The following DNAH11 variants were observed in gnomAD, a reference collection of about 807,000 sequenced individuals.
DNAH11 encodes the protein dynein axonemal heavy chain 11, also known as axonemal beta dynein heavy chain 11.
A neutral mutation model predicts 526.0 loss-of-function variants in DNAH11; 442 were observed. That is an observed-to-expected ratio of 0.84 (90% CI 0.78 to 0.91). The LOEUF (loss-of-function observed/expected upper bound fraction) is 0.91. Among genes scored for constraint, DNAH11 ranks in the 40% least tolerant of loss-of-function variants. DNAH11 has a pLI of 0.00. For synonymous variants in DNAH11, 2,461 were observed against 1,935.9 expected (o/e 1.27, Z -7.12); for missense variants, 6,989 against 5,448.7 (o/e 1.28, Z -8.90).
chr7:21,602,253 C>T (rs1785119992), intron 18 of DNAH11, among the ~76,000 whole-genome samples: 1 of 152,122 alleles, frequency 6.6e-6, no homozygotes, highest in Non-Finnish European at 1.5e-5. Flanking sequence ...GCAGAAGAAT[C>T]GTTTGAACTC....
chr7:21,731,205 A>G (rs556322906), intron 45 of DNAH11, among the ~76,000 whole-genome samples: 1 of 152,314 alleles, frequency 6.6e-6, no homozygotes, highest in East Asian at 1.9e-4. Flanking sequence ...GCCATTGTAC[A>G]ATATATACAT....
intron 75 of DNAH11, among the ~76,000 whole-genome samples, chr7:21,883,899 G>GAATTTTTT (rs1346053774): frequency 1.3e-5 from 2 of 152,100 alleles, no homozygotes; most frequent in African/African-American, 4.8e-5. Context: ...AAAAATTAGC[G>GAATTTTTT]AGATGTAGTG....
At chr7:21,543,716 T>C in intron 1 of DNAH11, 120 bp downstream of exon 1, 1 of 1,088,210 alleles carries the variant, frequency 9.2e-7, no homozygotes, top group Admixed American at 2.7e-5. Flanking sequence ...CAAACTTGGC[T>C]TGAAGTCCCC....
rs1784250639 is a variant in DNAH11 at position 21,579,964 on chromosome 7, G to A, written c.1594-1941G>A. Among the ~76,000 whole-genome samples, 3 of 152,304 alleles carry A rather than the reference G, an allele frequency of 2.0e-5. No individual in the cohort carries two copies. In the South Asian group the frequency reaches 6.2e-4, roughly 32 times the overall value. The stretch of plus-strand genomic sequence containing the variant: ...GAGGTAGTTAGAAGAGCACTTGACA[G>A]AGAAGTCAAGGAGGTTGCCCAAGTT... On this transcript the variant is annotated intron_variant, in intron 8 of 81. Transcript: ENST00000409508.
chr7:21,601,245 C>A (rs1785072050), intron 17 of DNAH11, 66 bp downstream of exon 17: 6 of 1,518,276 alleles, frequency 4.0e-6, no homozygotes, highest in Non-Finnish European at 5.3e-6. Context: ...TGAGATGTTA[C>A]TTTTAAGCGT....
intron 49 of DNAH11, 142 bp from the exon 50 acceptor site, chr7:21,744,296 A>G: frequency 2.1e-6 from 2 of 961,356 alleles, no homozygotes; most frequent in Non-Finnish European, 1.6e-6. Flanking sequence ...ACCTACTTTT[A>G]TACACGAACA....
rs1785737828 is a variant in DNAH11, at chr7:21,738,826, C to T, written c.7771C>T (p.Pro2591Ser). 1.9e-6 allele frequency: 3 copies of T among 1,605,938 alleles called. No homozygotes were observed. Among genetic ancestry groups the T allele is most frequent in the Non-Finnish European group, 2.6e-6 (3 of 1,176,316 alleles). Residue 2591 changes from proline to serine, a missense_variant, in exon 47 of 82, where the codon CCT becomes TCT. Coordinates refer to ENST00000409508, the MANE Select transcript of DNAH11 (RefSeq NM_001277115.2). ...PEVDLYGTVQ[P>S]HTLIRQHIDY... The stretch of plus-strand genomic sequence containing the variant: ...AGTGGACTTATATGGCACCGTTCAG[C>T]CTCACACCCTGATCCGGCAGCATAT...
At chr7:21,780,186 G>A (rs1030987601) in intron 57 of DNAH11, among the ~76,000 whole-genome samples, 48 of 152,208 alleles carry the variant, frequency 3.2e-4, no homozygotes, top group African/African-American at 1.1e-3. Flanking sequence ...TGTGATCAGC[G>A]GGCATGTAAT....
chr7:21,651,675 C>G (rs1781777867), intron 28 of DNAH11, among the ~76,000 whole-genome samples: 1 of 152,208 alleles, frequency 6.6e-6, no homozygotes, highest in Non-Finnish European at 1.5e-5. Context: ...ATAAGAGGTT[C>G]TCCCTGTGCA....
At chr7:21,626,393 A>C (rs964851272) in intron 25 of DNAH11, among the ~76,000 whole-genome samples, 1 of 152,192 alleles carries the variant, frequency 6.6e-6, no homozygotes, top group Admixed American at 6.5e-5. Context: ...TATTTTGGCT[A>C]TTGTAAATTA....
At chr7:21,610,734 A>T (rs1204836869) in intron 20 of DNAH11, among the ~76,000 whole-genome samples, 1 of 152,192 alleles carries the variant, frequency 6.6e-6, no homozygotes, top group African/African-American at 2.4e-5. Flanking sequence ...AACTCAGCAG[A>T]TGGGTTAAAG....
chr7:21,590,975 C>T lies in DNAH11; in HGVS notation c.2227C>T (p.Pro743Ser). Reference sequence around the variant, plus strand: ...TTTGATGTTGAAGAAACAAGACATACCAGATTCAGCTTTAGCCATCTTCAA... The same window carrying T: ...TTTGATGTTGAAGAAACAAGACATATCAGATTCAGCTTTAGCCATCTTCAA... Reference protein sequence around the residue: ...YLLMLKKQDIPDSALAIFKKR... With the variant: ...YLLMLKKQDISDSALAIFKKR... Residue 743 changes from proline to serine, a missense_variant, in exon 13 of 82, where the codon CCA becomes TCA. Transcript: ENST00000409508. 1 of 1,517,880 alleles carries T rather than the reference C, an allele frequency of 6.6e-7. No individual in the cohort carries two copies. The highest frequency in any genetic ancestry group is 8.7e-7 in the Non-Finnish European group (1 of 1,143,356). The allele number at this position is 1,517,880 out of a possible 1,614,324, so 94.0% of individuals were successfully genotyped here.
At chr7:21,790,503 A>C (rs1247728953) in intron 61 of DNAH11, among the ~76,000 whole-genome samples, 1 of 152,212 alleles carries the variant, frequency 6.6e-6, no homozygotes, top group Non-Finnish European at 1.5e-5. Flanking sequence ...GTACTACTAA[A>C]TACCACTACT....
In DNAH11 at chr7:21,642,794, A is replaced by G. The variant is rs183122085; in HGVS notation, c.4944+3729A>G. Among the ~76,000 whole-genome samples, 13 of 152,162 alleles carry G rather than the reference A, an allele frequency of 8.5e-5. No individual in the cohort carries two copies. The East Asian group carries it at 2.3e-3, about 27-fold the overall frequency. On this transcript the variant is annotated intron_variant, in intron 28 of 81. Coordinates refer to ENST00000409508, the MANE Select transcript of DNAH11 (RefSeq NM_001277115.2). Reference sequence around the variant, plus strand: ...TGTGGAATGTGATCAGCTTGAATAGACCAGCCAGGGAGGTCTGATAACCAC... The same window carrying G: ...TGTGGAATGTGATCAGCTTGAATAGGCCAGCCAGGGAGGTCTGATAACCAC...
chr7:21,716,406 A>G (rs1272909589), intron 42 of DNAH11, among the ~76,000 whole-genome samples: 1 of 152,142 alleles, frequency 6.6e-6, no homozygotes, highest in Non-Finnish European at 1.5e-5. Context: ...CCTCACAACC[A>G]CCCCAGGAGG....
At chr7:21,853,124 A>G (rs1782706172) in intron 67 of DNAH11, among the ~76,000 whole-genome samples, 1 of 152,190 alleles carries the variant, frequency 6.6e-6, no homozygotes, top group Non-Finnish European at 1.5e-5. Flanking sequence ...GAAAAATGAC[A>G]TTTCCTAAAA....
Position 21,558,865 on chromosome 7 carries a change from G to A in DNAH11, c.559G>A (p.Asp187Asn). Residue 187 changes from aspartate to asparagine, a missense_variant, in exon 3 of 82, where the codon GAT becomes AAT. Asp to Asn is a conservative substitution (Grantham distance 23). Transcript: ENST00000409508. ...GTCCTGGTCCTGTTTTACTTCACAA[G>A]ATATGGAATATCACATAGAAGTCAT... is the stretch of plus-strand genomic sequence containing the variant. ...HKSWSCFTSQ[D>N]MEYHIEVMKK... is the part of the protein sequence containing the mutation. The A allele has an allele frequency of 6.2e-7, 1 of 1,609,696 alleles. No individual in the cohort carries two copies. The highest frequency in any genetic ancestry group is 8.5e-7 in the Non-Finnish European group (1 of 1,177,862).
chr7:21,558,812 C>A lies in DNAH11; in HGVS notation c.506C>A (p.Pro169Gln). 1 of 1,577,956 alleles carries A rather than the reference C, an allele frequency of 6.3e-7. No individual in the cohort carries two copies. Among genetic ancestry groups the A allele is most frequent in the South Asian group, 1.2e-5 (1 of 82,444 alleles). Residue 169 changes from proline (P) to glutamine (Q), a missense_variant, in exon 3 of 82, where the codon CCA becomes CAA. Physicochemically the swap from Pro to Gln is moderately conservative, Grantham distance 76. Coordinates refer to ENST00000409508, the MANE Select transcript of DNAH11 (RefSeq NM_001277115.2). ...VSAFLDEILVPVLSNKNNHKS... is the reference protein window; with the variant it reads ...VSAFLDEILVQVLSNKNNHKS... ...TTTCTCTTTCTCTAGATTTTAGTGC[C>A]AGTTCTTTCTAATAAGAACAACCAT... is the stretch of plus-strand genomic sequence containing the variant.
Position 21,620,395 on chromosome 7 carries a change from C to T in DNAH11, c.4500+317C>T, listed in dbSNP as rs1029318009. 5.3e-5 allele frequency among the ~76,000 whole-genome samples: 8 copies of T among 152,176 alleles called. No homozygotes were observed. In the East Asian group the frequency reaches 1.2e-3, roughly 22 times the overall value. On this transcript the variant is annotated intron_variant, in intron 25 of 81. Coordinates refer to ENST00000409508, the MANE Select transcript of DNAH11 (RefSeq NM_001277115.2). ...AACAGCTCCTCTTGCCCCCTCCCCC[C>T]GGCTCTGGTAACCATCATTCTACTC...
Sources: allele counts gnomAD v4.1 joint callset (sites outside exome capture counted in the v4.1 genomes callset), GRCh38; gene constraint gnomAD v4.1.1; transcripts MANE v1.5; gene names NCBI Gene and HGNC (gene_info 2026-07-23, HGNC 2026-07-21).